The following INPP5D variants were observed in gnomAD, a reference collection of about 807,000 sequenced individuals.
INPP5D encodes the protein inositol polyphosphate-5-phosphatase D, also known as phosphatidylinositol 3,4,5-trisphosphate 5-phosphatase 1.
Under a neutral mutation model 122.9 loss-of-function variants are expected in INPP5D, and 33 were observed. The observed-to-expected ratio is 0.27, with a 90% CI of 0.20 to 0.36. INPP5D has a LOEUF of 0.36. Among genes scored for constraint, INPP5D ranks in the 10% least tolerant of loss-of-function variants. The pLI, the probability that INPP5D is intolerant of heterozygous loss-of-function variation, is 1.00. For missense variants in INPP5D, 1,053 were observed against 1,412.7 expected (o/e 0.75, Z 4.08); for synonymous variants, 584 against 576.2 (o/e 1.01, Z -0.19).
intron 2 of INPP5D, among the ~76,000 whole-genome samples, chr2:233,108,899 G>A (rs1692534042): frequency 6.6e-6 from 1 of 152,188 alleles, no homozygotes; most frequent in Non-Finnish European, 1.5e-5. Context: ...CCACAGTCTT[G>A]CAGCTTCTGC....
chr2:233,114,003 C>T (rs953822127), intron 2 of INPP5D, among the ~76,000 whole-genome samples: 13 of 151,590 alleles, frequency 8.6e-5, no homozygotes, highest in African/African-American at 2.9e-4. Context: ...CTCCGCCTCC[C>T]GGGTTCACGC....
rs972380281 is a variant in INPP5D, at chr2:233,197,663, T to A, written c.2694-432T>A. Among the ~76,000 whole-genome samples the A allele has an allele frequency of 6.6e-6, 1 of 152,206 alleles. No homozygotes were observed. The highest frequency in any genetic ancestry group is 6.5e-5 in the Admixed American group (1 of 15,280). ...TATCTGCTTATCTTCTTATCTCAGA[T>A]GAAAGACCACCTCCTCAGATGGGGC... On this transcript the variant is annotated intron_variant, in intron 24 of 26. Transcript: ENST00000445964. This position sits in a 1 kb window ranked among gnomAD's most constrained non-coding sequence, Gnocchi z 4.4.
intron 18 of INPP5D, among the ~76,000 whole-genome samples, chr2:233,178,776 G>T (rs925823498): frequency 6.6e-6 from 1 of 152,154 alleles, no homozygotes; most frequent in Non-Finnish European, 1.5e-5. Context: ...GAGTCACTGC[G>T]CCAGGCCCAG....
At chr2:233,147,991 T>C (rs1447977357) in intron 9 of INPP5D, among the ~76,000 whole-genome samples, 1 of 152,142 alleles carries the variant, frequency 6.6e-6, no homozygotes, top group Non-Finnish European at 1.5e-5. Context: ...ATCTGTAAAA[T>C]GGGGATGATA....
intron 9 of INPP5D, among the ~76,000 whole-genome samples, chr2:233,152,261 AG>A (rs1179662099): frequency 6.6e-6 from 1 of 152,108 alleles, no homozygotes; most frequent in Non-Finnish European, 1.5e-5. Flanking sequence ...GCTCGCCTGG[AG>A]GGAATCTGTG....
intron 18 of INPP5D, among the ~76,000 whole-genome samples, chr2:233,179,405 A>T (rs1013603239): frequency 7.2e-5 from 11 of 152,236 alleles, no homozygotes; most frequent in African/African-American, 2.7e-4. Context: ...CTCTGCCGAG[A>T]GTCAGGAGAT....
intron 22 of INPP5D, among the ~76,000 whole-genome samples, chr2:233,192,696 T>C (rs1409113664): frequency 1.3e-5 from 2 of 152,270 alleles, no homozygotes; most frequent in African/African-American, 4.8e-5. Context: ...AACACTGAGA[T>C]GAATCTCTTT....
intron 2 of INPP5D, among the ~76,000 whole-genome samples, chr2:233,089,567 G>A (rs1203836561): frequency 1.3e-5 from 2 of 152,098 alleles, no homozygotes; most frequent in African/African-American, 2.4e-5. Context: ...ACCAGCTAAG[G>A]GCTTTGCAGT....
chr2:233,140,408 G>A (rs1693609263), intron 6 of INPP5D: 1 of 151,738 alleles, frequency 6.6e-6, no homozygotes, highest in South Asian at 2.1e-4. Context: ...CATCAATAAA[G>A]TTTTAACAAG....
At chr2:233,071,637 A>G (rs1691386260) in intron 1 of INPP5D, among the ~76,000 whole-genome samples, 1 of 152,204 alleles carries the variant, frequency 6.6e-6, no homozygotes, top group African/African-American at 2.4e-5. Context: ...GTATAAATTG[A>G]CATTTTGGTA....
Position 233,189,122 on chromosome 2 carries a change from C to G in INPP5D, c.2359-728C>G, listed in dbSNP as rs1253346407. 6.6e-6 allele frequency among the ~76,000 whole-genome samples: 1 copy of G among 152,354 alleles called. No homozygotes were observed. Among genetic ancestry groups the G allele is most frequent in the East Asian group, 1.9e-4 (1 of 5,180 alleles). ...CCTGCACTTGCCCGGACACAGCCCC[C>G]ACTGGCCAGTGCTGTGCAAAGCCTG... On this transcript the variant is annotated intron_variant, in intron 21 of 26. Transcript: ENST00000445964. This position sits in a 1 kb window ranked among gnomAD's most constrained non-coding sequence, Gnocchi z 5.6.
At chr2:233,187,544 C>CT (rs1276918828) in intron 21 of INPP5D, among the ~76,000 whole-genome samples, 1 of 152,234 alleles carries the variant, frequency 6.6e-6, no homozygotes, top group African/African-American at 2.4e-5. Flanking sequence ...TTGGCATTAA[C>CT]TTTTGATTGG....
intron 17 of INPP5D, among the ~76,000 whole-genome samples, chr2:233,174,869 T>C (rs72972236): frequency 0.059 from 8,958 of 151,740 alleles, 332 homozygotes; most frequent in East Asian, 0.18. Flanking sequence ...TATTCTATGA[T>C]TCAGTAATTC....
chr2:233,186,010 G>A, intron 21 of INPP5D, 85 bp downstream of exon 21: 1 of 1,381,880 alleles, frequency 7.2e-7, no homozygotes, highest in Non-Finnish European at 9.4e-7. Context: ...CTATGGCCAG[G>A]CCTGACCAGA....
At chr2:233,072,045 G>A (rs1691396244) in intron 1 of INPP5D, among the ~76,000 whole-genome samples, 2 of 152,190 alleles carry the variant, frequency 1.3e-5, no homozygotes, top group Non-Finnish European at 2.9e-5. Context: ...AAACACTACA[G>A]TGGGGAATAT....
chr2:233,129,740 C>T (rs373828346), intron 4 of INPP5D, among the ~76,000 whole-genome samples: 5 of 152,184 alleles, frequency 3.3e-5, no homozygotes, highest in African/African-American at 7.2e-5. Context: ...AGCCTTTGGC[C>T]GTGAAATTGC....
At chr2:233,076,529 C>T (rs1418826517) in intron 1 of INPP5D, 1 of 152,146 alleles carries the variant, frequency 6.6e-6, no homozygotes. Context: ...ACTCAAAATT[C>T]TTTTTAAGTA....
intron 4 of INPP5D, among the ~76,000 whole-genome samples, chr2:233,129,025 G>A (rs984750771): frequency 6.6e-6 from 1 of 152,084 alleles, no homozygotes; most frequent in Admixed American, 6.6e-5. Flanking sequence ...CATTAGCTAG[G>A]TCTGGTGGCA....
intron 6 of INPP5D, among the ~76,000 whole-genome samples, chr2:233,141,797 C>A (rs1693637086): frequency 6.6e-6 from 1 of 152,122 alleles, no homozygotes; most frequent in Non-Finnish European, 1.5e-5. Context: ...AAGGGCCACG[C>A]TGGTCACCAC....
Sources: allele counts gnomAD v4.1 joint callset (sites outside exome capture counted in the v4.1 genomes callset), GRCh38; gene constraint gnomAD v4.1.1; non-coding constraint Gnocchi (gnomAD v3.1); transcripts MANE v1.5; gene names NCBI Gene and HGNC (gene_info 2026-07-23, HGNC 2026-07-21).